ERAP1: variants seen among roughly 807,000 people sequenced by gnomAD.
ERAP1 encodes the protein adipocyte-derived leucine aminopeptidase.
In ERAP1, 86 loss-of-function variants were observed where a neutral mutation model predicts 103.7. That is an observed-to-expected ratio of 0.83 (90% confidence interval 0.70 to 0.99). The LOEUF is 0.99. Ranked by LOEUF, ERAP1 falls within the 50% of genes least tolerant of loss-of-function variation. ERAP1 has a pLI of 0.00. For synonymous variants in ERAP1, 398 were observed against 402.4 expected, an observed-to-expected ratio of 0.99 and a Z score of 0.13; for missense variants, 1,009 against 1,128.4, an observed-to-expected ratio of 0.89 and a Z score of 1.52.
In ERAP1 at chr5:96,793,880, A is replaced by T. The variant is rs1202447724; in HGVS notation, c.997T>A (p.Leu333Met). 6.2e-7 allele frequency: 1 copy of T among 1,614,076 alleles called. No homozygotes were observed. Among genetic ancestry groups the T allele is most frequent in the Non-Finnish European group, 8.5e-7 (1 of 1,180,010 alleles). ...GCAGAAGACTTTTCTGCATCAAACA[A>T]CAGAGCAGATTCTCTATATGTTGTC... ...GLTTYRESALLFDAEKSSASS... is the reference protein window; with the variant it reads ...GLTTYRESALMFDAEKSSASS... Residue 333 changes from leucine (L) to methionine (M), a missense_variant, in exon 6 of 19, where the codon TTG becomes ATG. Leu to Met is a conservative substitution (Grantham distance 15, BLOSUM62 2). Transcript: ENST00000443439.
chr5:96,856,009 C>T, the ERAP1 span, among the ~76,000 whole-genome samples: 3 of 152,030 alleles, frequency 2.0e-5, no homozygotes, highest in East Asian at 3.9e-4. Flanking sequence ...ATGCAATAGT[C>T]GATCTTTCCT....
chr5:96,862,598 G>A, the ERAP1 span, among the ~76,000 whole-genome samples: 5 of 152,178 alleles, frequency 3.3e-5, no homozygotes, highest in East Asian at 9.6e-4. Context: ...TATGAATAAG[G>A]GGCATTAAAA....
At position 96,774,826 on chromosome 5, in the gene ERAP1, TGTA is replaced by T; in HGVS notation, c.*1567_*1569del. 1 of 985,334 alleles carries T rather than the reference TGTA, an allele frequency of 1.0e-6. No individual in the cohort carries two copies. Among genetic ancestry groups the T allele is most frequent in the Non-Finnish European group, 1.2e-6 (1 of 829,694 alleles). The allele number at this position is 985,334 out of a possible 1,614,324, so 61.0% of individuals were successfully genotyped here. A position where few individuals can be genotyped will look rare whatever the true frequency, so the allele number is the denominator to read the frequency against. The stretch of plus-strand genomic sequence containing the variant: ...TCCACTTTTATACCTATTTATTTGT[TGTA>T]GTGAATGGTTTAATAAATGGCAGAT... On this transcript the variant is annotated 3_prime_UTR_variant, in exon 19 of 19. Transcript: ENST00000443439.
In ERAP1 at chr5:96,807,135, A is replaced by G. The variant is rs79392881; in HGVS notation, c.-18+725T>C. Among the ~76,000 whole-genome samples the G allele has an allele frequency of 5.5e-4, 84 of 152,278 alleles. 1 individual carries two copies. The highest frequency in any genetic ancestry group is 1.9e-3 in the African/African-American group (80 of 41,562). On this transcript the variant is annotated intron_variant, in intron 1 of 18. Transcript: ENST00000443439. ...TGTGCTCTCCCCCTTCCCCTCATGG[A>G]ATTAACTTTGTAGGACCACCTGGCC...
chr5:96,819,742 G>C, the ERAP1 span, among the ~76,000 whole-genome samples: 2 of 152,140 alleles, frequency 1.3e-5, no homozygotes, highest in Non-Finnish European at 2.9e-5. Context: ...AATTAGGGAT[G>C]AATTTCCAGT....
At chr5:96,921,006 A>C in the ERAP1 span, among the ~76,000 whole-genome samples, 2 of 152,368 alleles carry the variant, frequency 1.3e-5, no homozygotes, top group South Asian at 4.1e-4. Context: ...GATCTCTAGT[A>C]ATATTTAAGT....
At chr5:96,777,958 A>G (rs1437513282) in intron 18 of ERAP1, among the ~76,000 whole-genome samples, 1 of 152,210 alleles carries the variant, frequency 6.6e-6, no homozygotes, top group Non-Finnish European at 1.5e-5. Context: ...GGATAGGAAA[A>G]CAGGTTTATC....
the ERAP1 span, among the ~76,000 whole-genome samples, chr5:96,893,643 T>C: frequency 1.3e-5 from 2 of 152,138 alleles, no homozygotes; most frequent in Non-Finnish European, 2.9e-5. Flanking sequence ...TTTAATAGCT[T>C]CTCTTCCACG....
intron 1 of ERAP1, chr5:96,805,730 T>C (rs1778528857): frequency 6.6e-6 from 1 of 152,246 alleles, no homozygotes; most frequent in Non-Finnish European, 1.5e-5. Context: ...GGAACTTGTG[T>C]TTTGCTTTCC....
the ERAP1 span, among the ~76,000 whole-genome samples, chr5:96,837,615 C>T: frequency 6.6e-6 from 1 of 152,160 alleles, no homozygotes; most frequent in African/African-American, 2.4e-5. Context: ...TAGGGAGGTA[C>T]CTGCAACTCC....
Position 96,776,115 on chromosome 5 carries a change from C to A in ERAP1, c.*281G>T. On this transcript the variant is annotated 3_prime_UTR_variant, in exon 19 of 19. Coordinates refer to ENST00000443439, the MANE Select transcript of ERAP1 (RefSeq NM_001040458.3). ...TTGGACACGGGTGCTTAAGCATAAA[C>A]TATAAAATGAGAAGAATAAGGTACT... The A allele has an allele frequency of 7.2e-7, 1 of 1,382,220 alleles. No individual in the cohort carries two copies. Among genetic ancestry groups the A allele is most frequent in the Non-Finnish European group, 9.5e-7 (1 of 1,050,942 alleles). 85.6% of individuals were successfully genotyped at this position (1,382,220 alleles called of 1,614,324 possible).
chr5:96,803,387 A>G lies in ERAP1; in HGVS notation c.524+16T>C. 1 of 1,611,590 alleles carries G rather than the reference A, an allele frequency of 6.2e-7. No homozygotes were observed. Among genetic ancestry groups the G allele is most frequent in the Non-Finnish European group, 8.5e-7 (1 of 1,178,910 alleles). On this transcript the variant is annotated intron_variant, in intron 2 of 18. Coordinates refer to ENST00000443439, the MANE Select transcript of ERAP1 (RefSeq NM_001040458.3). ...GCAGCACTTGCAGTTTAAAAGAAAA[A>G]GAGAAAAAAAAATACCTCAGTTCCC...
the ERAP1 span, among the ~76,000 whole-genome samples, chr5:96,926,608 G>C: frequency 6.6e-6 from 1 of 152,126 alleles, no homozygotes; most frequent in South Asian, 2.1e-4. Flanking sequence ...TTCTGTAACT[G>C]GTTTCTTTCA....
chr5:96,853,978 C>T, the ERAP1 span, among the ~76,000 whole-genome samples: 1 of 151,926 alleles, frequency 6.6e-6, no homozygotes, highest in Admixed American at 6.6e-5. Context: ...TTATAAAGGA[C>T]AGGTAAAAGA....
Position 96,783,997 on chromosome 5 carries a change from C to T in ERAP1, c.2027G>A (p.Gly676Asp). 1 of 1,614,030 alleles carries T rather than the reference C, an allele frequency of 6.2e-7. No individual in the cohort carries two copies. Among genetic ancestry groups the T allele is most frequent in the Non-Finnish European group, 8.5e-7 (1 of 1,179,994 alleles). ...ATACATAGGAATCAGCTCATTCAAA[C>T]CTTGAAACACGGGCATAATTTCAGT... ...HETEIMPVFQ[G>D]LNELIPMYKL... Residue 676 changes from glycine to aspartate, a missense_variant, in exon 14 of 19, where the codon GGT (glycine) becomes GAT (aspartate). Gly to Asp is a moderately conservative substitution (Grantham distance 94). Coordinates refer to ENST00000443439, the MANE Select transcript of ERAP1 (RefSeq NM_001040458.3).
chr5:96,783,041 A>C lies in ERAP1; in HGVS notation c.2285+10T>G, dbSNP rs182987968. ...CACATCAACAAATTGGTTATTTAGT[A>C]AGGACTGACCTCAAGTTTCCATTGG... is the stretch of plus-strand genomic sequence containing the variant. On this transcript the variant is annotated intron_variant, in intron 15 of 18. Transcript: ENST00000443439. 267 of 1,613,974 alleles carry C rather than the reference A, an allele frequency of 1.7e-4. 2 individuals are homozygous for C. In the Middle Eastern group the frequency reaches 3.5e-3, roughly 21 times the overall value.
chr5:96,933,539 T>G, the ERAP1 span, among the ~76,000 whole-genome samples: 1 of 152,198 alleles, frequency 6.6e-6, no homozygotes, highest in Non-Finnish European at 1.5e-5. Context: ...AAAGACATAA[T>G]GATCCACCTA....
At chr5:96,878,639 A>G in the ERAP1 span, among the ~76,000 whole-genome samples, 1 of 151,932 alleles carries the variant, frequency 6.6e-6, no homozygotes, top group Non-Finnish European at 1.5e-5. Context: ...CAAAAAAAAT[A>G]AAATATGGCC....
chr5:96,912,827 A>G, the ERAP1 span: 15 of 1,557,042 alleles, frequency 9.6e-6, no homozygotes, highest in Admixed American at 2.7e-4. Context: ...CTAAATTGTT[A>G]TAAGTAAACT....
Sources: allele counts gnomAD v4.1 joint callset (sites outside exome capture counted in the v4.1 genomes callset), GRCh38; gene constraint gnomAD v4.1.1; transcripts MANE v1.5; gene names NCBI Gene and HGNC (gene_info 2026-07-23, HGNC 2026-07-21).